CEP250: variants seen among roughly 807,000 people sequenced by gnomAD.
CEP250 encodes the protein centrosome-associated protein CEP250.
In CEP250, 242 loss-of-function variants were observed where a neutral mutation model predicts 315.7. That is an observed-to-expected ratio of 0.77 (90% CI 0.69 to 0.85). CEP250 has a LOEUF of 0.85. Ranked by LOEUF, CEP250 falls within the 40% of genes least tolerant of loss-of-function variation. The pLI is 0.00. For missense variants in CEP250, 2,515 were observed against 2,886.4 expected, an observed-to-expected ratio of 0.87 and a Z score of 2.95; for synonymous variants, 1,088 against 1,175.0, an observed-to-expected ratio of 0.93 and a Z score of 1.51.
rs1249630092 is a variant in CEP250, at chr20:35,476,613, T to C, written c.1863+18T>C. 4.2e-5 allele frequency: 68 copies of C among 1,608,438 alleles called. No individual in the cohort carries two copies. Among genetic ancestry groups the C allele is most frequent in the Non-Finnish European group, 5.8e-5 (68 of 1,175,168 alleles). ...TTCTCCAGGTGAGCAAAGATTTTCC[T>C]GGTCCCCACAGAAGGGCTGGGCCCT... is the stretch of plus-strand genomic sequence containing the variant. On this transcript the variant is annotated intron_variant, in intron 16 of 34. Coordinates refer to ENST00000397527, the MANE Select transcript of CEP250 (RefSeq NM_007186.6).
At chr20:35,473,617 A>T in intron 13 of CEP250, 65 bp downstream of exon 13, 1 of 1,469,688 alleles carries the variant, frequency 6.8e-7, no homozygotes. Context: ...CCATCCAGCC[A>T]TTTACCCACT....
At chr20:35,505,062 CAG>C in intron 30 of CEP250, 57 bp downstream of exon 30, 2 of 1,448,864 alleles carry the variant, frequency 1.4e-6, no homozygotes, top group Non-Finnish European at 1.8e-6. Flanking sequence ...TGGCTGAGCT[CAG>C]GGACTGCCCA....
Position 35,503,433 on chromosome 20 carries a change from CAA to C in CEP250, c.5065_5066del (p.Lys1689AlafsTer29). ...TCCTGGAGGAGGACCTGGAACAGAT[CAA>C]GCTGTCCTTGAGAGAGCGAGGCCGG... ...KILEEDLEQI[K>X]LSLRERGREL... is the part of the protein sequence containing the mutation. On this transcript the variant is annotated frameshift_variant, in exon 30 of 35. Transcript: ENST00000397527. LOFTEE classifies it high-confidence loss of function. The surrounding 1 kb of genome is among the most constrained non-coding windows in gnomAD (Gnocchi z 4.2). The C allele has an allele frequency of 6.2e-7, 1 of 1,614,136 alleles. No homozygotes were observed. The highest frequency in any genetic ancestry group is 8.5e-7 in the Non-Finnish European group (1 of 1,180,030).
At chr20:35,489,205 G>A (rs1278266669) in intron 20 of CEP250, among the ~76,000 whole-genome samples, 3 of 146,038 alleles carry the variant, frequency 2.1e-5, no homozygotes, top group African/African-American at 5.2e-5. Flanking sequence ...AAAAAAAAGT[G>A]CTTAGTGTGC....
At chr20:35,466,477 T>G (rs1414948263) in intron 7 of CEP250, among the ~76,000 whole-genome samples, 1 of 152,058 alleles carries the variant, frequency 6.6e-6, no homozygotes, top group East Asian at 1.9e-4. Flanking sequence ...GAGCTTAGGT[T>G]TTTGATGGAT....
At chr20:35,492,647 G>T (rs1038574884) in intron 22 of CEP250, among the ~76,000 whole-genome samples, 3 of 152,218 alleles carry the variant, frequency 2.0e-5, no homozygotes, top group African/African-American at 7.2e-5. Flanking sequence ...GGCGAGTGGA[G>T]CGGTAGCCAG....
intron 14 of CEP250, 47 bp from the exon 15 acceptor site, chr20:35,475,455 G>A (rs937928370): frequency 6.3e-7 from 1 of 1,597,862 alleles, no homozygotes; most frequent in Admixed American, 1.7e-5. Flanking sequence ...TTGGGGTTAT[G>A]GCCCATCCCT....
rs2064125310 is a variant in CEP250 at position 35,504,497 on chromosome 20, C to T, written c.6128C>T (p.Ala2043Val). 1.9e-6 allele frequency: 3 copies of T among 1,613,638 alleles called. No individual in the cohort carries two copies. The highest frequency in any genetic ancestry group is 2.5e-6 in the Non-Finnish European group (3 of 1,179,862). The change falls in exon 30 of 35, where the codon GCA becomes GTA. Residue 2043 changes from alanine (A) to valine (V), a missense_variant. By Grantham distance (64) the Ala-to-Val change is moderately conservative (BLOSUM62 0). Coordinates refer to ENST00000397527, the MANE Select transcript of CEP250 (RefSeq NM_007186.6). Reference protein sequence around the residue: ...YQEDVQQLQQALAQRDEELRH... With the variant: ...YQEDVQQLQQVLAQRDEELRH... ...GAGGATGTGCAGCAGCTGCAGCAGG[C>T]ACTTGCCCAGAGGGATGAAGAGCTG...
chr20:35,457,774 G>C (rs769983470), intron 1 of CEP250, among the ~76,000 whole-genome samples: 7 of 152,122 alleles, frequency 4.6e-5, no homozygotes, highest in Non-Finnish European at 8.8e-5. Context: ...ACTACAGCCT[G>C]GGTAACAGAG....
In CEP250 at chr20:35,466,202, G is replaced by A; in HGVS notation, c.490G>A (p.Glu164Lys). The change falls in exon 7 of 35, where the codon GAG becomes AAG. Residue 164 changes from glutamate to lysine, a missense_variant and splice_region_variant. Coordinates refer to ENST00000397527, the MANE Select transcript of CEP250 (RefSeq NM_007186.6). Reference protein sequence around the residue: ...RKESQWQMEQEFFKGYLKGEH... With the variant: ...RKESQWQMEQKFFKGYLKGEH... The stretch of plus-strand genomic sequence containing the variant: ...GGAGAGCCAGTGGCAGATGGAGCAG[G>A]AGGTAGGAAGAACGGGGACTGGAAC... 1 of 1,585,452 alleles carries A rather than the reference G, an allele frequency of 6.3e-7. No homozygotes were observed. Among genetic ancestry groups the A allele is most frequent in the Non-Finnish European group, 8.6e-7 (1 of 1,163,716 alleles).
At position 35,516,761 on chromosome 20, in the gene CEP250, T is replaced by C. The variant is rs914287319; in HGVS notation, c.*5135T>C. On this transcript the variant is annotated 3_prime_UTR_variant, in exon 35 of 35. Coordinates refer to ENST00000397527, the MANE Select transcript of CEP250 (RefSeq NM_007186.6). ...CTGCTCTCAGTGAGGCCAGGGAGAGTCAAACAGAGCATCTTGGACAAAGAG... is the reference window on the plus strand; with the variant it reads ...CTGCTCTCAGTGAGGCCAGGGAGAGCCAAACAGAGCATCTTGGACAAAGAG... 1.3e-5 allele frequency: 2 copies of C among 152,644 alleles called. No homozygotes were observed. Among genetic ancestry groups the C allele is most frequent in the African/African-American group, 4.9e-5 (2 of 41,228 alleles). The allele number at this position is 152,644 out of a possible 1,614,324, so 9.5% of individuals were successfully genotyped here.
rs376842301 is a variant in CEP250 at position 35,473,406 on chromosome 20, G to A, written c.1242G>A (p.Glu414=). 5.6e-6 allele frequency: 9 copies of A among 1,613,934 alleles called. No homozygotes were observed. The Admixed American group carries it at 1.0e-4, about 18-fold the overall frequency. ...GGCAGCAGCTTGCAGGCTGTCAAGA[G>A]GCTGTGAACTTGTTGCAACAGCAGC... is the stretch of plus-strand genomic sequence containing the variant. ...DLRQQLAGCQ[E]AVNLLQQQHD... The change falls in exon 13 of 35, where the codon GAG becomes GAA. Residue 414 remains glutamate (E), a synonymous_variant. Coordinates refer to ENST00000397527, the MANE Select transcript of CEP250 (RefSeq NM_007186.6).
At position 35,502,401 on chromosome 20, in the gene CEP250, G is replaced by A; in HGVS notation, c.4032G>A (p.Glu1344=). ...LQRMEAQGER[E]LLQAAKENLT... ...ATCTTGTCTTCTAGGGTGAGCGAGAGTTACTTCAGGCAGCCAAGGAGAACC... is the reference window on the plus strand; with the variant it reads ...ATCTTGTCTTCTAGGGTGAGCGAGAATTACTTCAGGCAGCCAAGGAGAACC... Residue 1344 remains glutamate, a synonymous_variant, in exon 30 of 35, where the codon GAG becomes GAA. Transcript: ENST00000397527. The A allele has an allele frequency of 6.2e-7, 1 of 1,612,642 alleles. No individual in the cohort carries two copies. Among genetic ancestry groups the A allele is most frequent in the South Asian group, 1.1e-5 (1 of 90,954 alleles).
rs191836256 is a variant in CEP250, at chr20:35,518,591, T to G, written c.*6965T>G. Reference sequence around the variant, plus strand: ...TTTTCCCTTTCTCTTTGAGTATCATTATGAGCTCAAAGTTTTTTATATATT... The same window carrying G: ...TTTTCCCTTTCTCTTTGAGTATCATGATGAGCTCAAAGTTTTTTATATATT... On this transcript the variant is annotated 3_prime_UTR_variant, in exon 35 of 35. Coordinates refer to ENST00000397527, the MANE Select transcript of CEP250 (RefSeq NM_007186.6). 1.2e-4 allele frequency: 19 copies of G among 152,304 alleles called. No individual in the cohort carries two copies. The highest frequency in any genetic ancestry group is 8.3e-4 in the South Asian group (4 of 4,828). The allele number at this position is 152,304 out of a possible 1,614,324, so 9.4% of individuals were successfully genotyped here. A position where few individuals can be genotyped will look rare whatever the true frequency, so the allele number is the denominator to read the frequency against.
intron 10 of CEP250, among the ~76,000 whole-genome samples, chr20:35,470,320 A>T (rs1239666553): frequency 6.6e-6 from 1 of 152,202 alleles, no homozygotes; most frequent in Non-Finnish European, 1.5e-5. Flanking sequence ...AGAGATTTAA[A>T]ATCTAGTCAC....
chr20:35,469,319 T>G (rs750299140), intron 9 of CEP250, among the ~76,000 whole-genome samples: 1 of 152,054 alleles, frequency 6.6e-6, no homozygotes, highest in Non-Finnish European at 1.5e-5. Context: ...GGAAAAAAAT[T>G]TAAACTTTTA....
At chr20:35,473,694 C>A in intron 13 of CEP250, 142 bp downstream of exon 13, 1 of 1,091,826 alleles carries the variant, frequency 9.2e-7, no homozygotes, top group Non-Finnish European at 1.3e-6. Flanking sequence ...CCCAGTGTTT[C>A]ACTTGTTTCT....
In CEP250 at chr20:35,479,378, G is replaced by T; in HGVS notation, c.2242G>T (p.Val748Leu). 6.2e-7 allele frequency: 1 copy of T among 1,614,202 alleles called. No homozygotes were observed. The highest frequency in any genetic ancestry group is 1.1e-5 in the South Asian group (1 of 91,086). The change falls in exon 18 of 35, where the codon GTG becomes TTG. Residue 748 changes from valine to leucine, a missense_variant. By Grantham distance (32) the Val-to-Leu change is conservative. Coordinates refer to ENST00000397527, the MANE Select transcript of CEP250 (RefSeq NM_007186.6). ...KAALEVRLQA[V>L]ERDRQDLAEQ... ...GGCTCTAGAGGTGCGGCTGCAGGCC[G>T]TGGAGCGTGACCGGCAGGACCTCGC...
intron 32 of CEP250, 58 bp from the exon 33 acceptor site, chr20:35,508,885 G>A: frequency 7.1e-7 from 1 of 1,418,188 alleles, no homozygotes; most frequent in Non-Finnish European, 9.7e-7. Flanking sequence ...GAGAAAGGCA[G>A]CTCTGCTCCA....
Sources: allele counts gnomAD v4.1 joint callset (sites outside exome capture counted in the v4.1 genomes callset), GRCh38; gene constraint gnomAD v4.1.1; non-coding constraint Gnocchi (gnomAD v3.1); transcripts MANE v1.5; gene names NCBI Gene and HGNC (gene_info 2026-07-23, HGNC 2026-07-21).